The following HMCN1 variants were observed in gnomAD, a reference collection of about 807,000 sequenced individuals.
HMCN1 encodes the protein hemicentin-1.
In HMCN1, 321 loss-of-function variants were observed where a neutral mutation model predicts 625.9. The ratio of observed to expected loss-of-function variants is 0.51; its 90% CI spans 0.47 to 0.56. The LOEUF is 0.56. HMCN1 is among the 20% of genes least tolerant of loss of function. The pLI, the probability that HMCN1 is intolerant of heterozygous loss-of-function variation, is 0.00. For missense variants in HMCN1, 6,588 were observed against 6,887.3 expected (o/e 0.96, Z 1.54); for synonymous variants, 2,425 against 2,417.6 (o/e 1.00, Z -0.09).
chr1:185,774,750 G>T (rs888043272), intron 1 of HMCN1, among the ~76,000 whole-genome samples: 2 of 152,128 alleles, frequency 1.3e-5, no homozygotes, highest in Admixed American at 1.3e-4. Context: ...TGAAAAAAAC[G>T]CTGGTAGGAA....
intron 102 of HMCN1, among the ~76,000 whole-genome samples, chr1:186,173,110 C>G (rs1455885725): frequency 6.6e-6 from 1 of 152,180 alleles, no homozygotes; most frequent in Non-Finnish European, 1.5e-5. Context: ...CTTATGATTA[C>G]ACAGAAATTT....
intron 11 of HMCN1, among the ~76,000 whole-genome samples, chr1:185,953,391 A>G (rs1649378104): frequency 6.6e-6 from 1 of 151,860 alleles, no homozygotes; most frequent in Non-Finnish European, 1.5e-5. Flanking sequence ...CGTCCCTGCA[A>G]TGATTAAACA....
At chr1:186,062,637 C>A (rs776884441) in intron 48 of HMCN1, 37 bp downstream of exon 48, 7 of 1,343,656 alleles carry the variant, frequency 5.2e-6, no homozygotes, top group Admixed American at 1.7e-5. Context: ...GTGCTCCCCC[C>A]ACTCACTGAT....
chr1:185,925,026 T>G (rs781306389), intron 8 of HMCN1, 21 bp from the exon 9 acceptor site: 9 of 1,580,642 alleles, frequency 5.7e-6, no homozygotes, highest in African/African-American at 1.4e-5. Context: ...TTTTTGTTTT[T>G]GTTTTTGTTT....
chr1:185,960,938 A>G lies in HMCN1; in HGVS notation c.1829-1580A>G, dbSNP rs532262546. On this transcript the variant is annotated intron_variant, in intron 11 of 106. Transcript: ENST00000271588. ...TCAGAATTGATGGACTCCAGATGGA[A>G]TCACAATTTGAACTTACTGGCCATA... is the stretch of plus-strand genomic sequence containing the variant. Among the ~76,000 whole-genome samples the G allele has an allele frequency of 2.0e-5, 3 of 152,312 alleles. 1 individual carries two copies. Among genetic ancestry groups the G allele is most frequent in the East Asian group, 3.9e-4 (2 of 5,188 alleles).
intron 65 of HMCN1, 38 bp from the exon 66 acceptor site, chr1:186,093,448 A>G: frequency 6.2e-7 from 1 of 1,603,014 alleles, no homozygotes; most frequent in Non-Finnish European, 8.5e-7. Context: ...TACATAATAC[A>G]TCCCTCTTCC....
intron 1 of HMCN1, among the ~76,000 whole-genome samples, chr1:185,773,063 C>A (rs1377853912): frequency 2.6e-5 from 4 of 152,148 alleles, no homozygotes; most frequent in Admixed American, 2.0e-4. Context: ...GGGACACATT[C>A]AGACCACAGC....
chr1:186,109,421 A>G (rs1660776881), intron 71 of HMCN1, among the ~76,000 whole-genome samples: 1 of 152,130 alleles, frequency 6.6e-6, no homozygotes, highest in Middle Eastern at 3.2e-3. Flanking sequence ...CAGTTTCTCT[A>G]TTTATTGTGT....
At chr1:185,850,827 A>C (rs1662117837) in intron 2 of HMCN1, among the ~76,000 whole-genome samples, 4 of 151,966 alleles carry the variant, frequency 2.6e-5, no homozygotes. Flanking sequence ...AGGATGCTTA[A>C]TTAGAACAAC....
chr1:186,158,833 C>T (rs1233069060), intron 97 of HMCN1, among the ~76,000 whole-genome samples: 1 of 151,962 alleles, frequency 6.6e-6, no homozygotes, highest in African/African-American at 2.4e-5. Context: ...GTTTTGGTTA[C>T]TGTAGCCTTG....
intron 20 of HMCN1, 111 bp from the exon 21 acceptor site, chr1:185,989,377 T>G: frequency 1.6e-6 from 2 of 1,230,956 alleles, no homozygotes; most frequent in Non-Finnish European, 2.4e-6. Context: ...TCTATTCCCC[T>G]CTTGGAGATG....
chr1:185,952,130 G>A (rs1331843849), intron 11 of HMCN1, among the ~76,000 whole-genome samples: 5 of 151,570 alleles, frequency 3.3e-5, no homozygotes, highest in African/African-American at 7.3e-5. Flanking sequence ...GAGCCTAAAC[G>A]CTATCTGATT....
intron 20 of HMCN1, among the ~76,000 whole-genome samples, chr1:185,989,208 C>CAT (rs560394336): frequency 1.3e-5 from 2 of 151,644 alleles, no homozygotes; most frequent in Non-Finnish European, 2.9e-5. Context: ...GGGGTTTCAC[C>CAT]GTGGTCTCGA....
At chr1:186,109,645 T>C (rs1327674054) in intron 71 of HMCN1, among the ~76,000 whole-genome samples, 1 of 152,200 alleles carries the variant, frequency 6.6e-6, no homozygotes, top group Non-Finnish European at 1.5e-5. Flanking sequence ...TTAGAAAAGA[T>C]GAGCTCAGTT....
intron 4 of HMCN1, among the ~76,000 whole-genome samples, chr1:185,894,137 AAAAAACAAAAAC>A (rs762377181): frequency 6.6e-6 from 1 of 150,664 alleles, no homozygotes; most frequent in Non-Finnish European, 1.5e-5. Context: ...TCCGTGTCAA[AAAAAACAAAAAC>A]AAAAACAAAA....
At position 186,001,717 on chromosome 1, in the gene HMCN1, A is replaced by C. The variant is rs755505735; in HGVS notation, c.4324A>C (p.Lys1442Gln). The C allele has an allele frequency of 2.5e-6, 4 of 1,612,432 alleles. No homozygotes were observed. Among genetic ancestry groups the C allele is most frequent in the Non-Finnish European group, 2.5e-6 (3 of 1,178,880 alleles). Reference sequence around the variant, plus strand: ...AATTAATATTGCAGGCACTTCTCAGAAGTACTTTAACATTGATGTGCTAGG... The same window carrying C: ...AATTAATATTGCAGGCACTTCTCAGCAGTACTTTAACATTGATGTGCTAGG... ...KAINIAGTSQ[K>Q]YFNIDVLVPP... is the part of the protein sequence containing the mutation. The change falls in exon 28 of 107, where the codon AAG becomes CAG. Residue 1442 changes from lysine (K) to glutamine (Q), a missense_variant. Coordinates refer to ENST00000271588, the MANE Select transcript of HMCN1 (RefSeq NM_031935.3).
chr1:185,997,072 A>G (rs1320436762), intron 24 of HMCN1, among the ~76,000 whole-genome samples: 3 of 152,116 alleles, frequency 2.0e-5, no homozygotes, highest in Non-Finnish European at 4.4e-5. Flanking sequence ...GGTCTTAAGC[A>G]TAGAGAGGAA....
At chr1:186,117,199 C>CTTT in intron 76 of HMCN1, 84 bp downstream of exon 76, 2 of 1,257,158 alleles carry the variant, frequency 1.6e-6, no homozygotes, top group Non-Finnish European at 1.1e-6. Flanking sequence ...GATCCCTTTT[C>CTTT]TTTTTTTTTT....
intron 83 of HMCN1, among the ~76,000 whole-genome samples, chr1:186,129,651 A>C (rs935564110): frequency 7.8e-5 from 9 of 115,418 alleles, no homozygotes; most frequent in African/African-American, 3.6e-4. Flanking sequence ...AAGATTTTTG[A>C]AACTCAGACT....
Sources: allele counts gnomAD v4.1 joint callset (sites outside exome capture counted in the v4.1 genomes callset), GRCh38; gene constraint gnomAD v4.1.1; transcripts MANE v1.5; gene names NCBI Gene and HGNC (gene_info 2026-07-23, HGNC 2026-07-21).